The following DET1 variants were observed in gnomAD, a reference collection of about 807,000 sequenced individuals.
The protein encoded by DET1 is DET1 partner of COP1 E3 ubiquitin ligase, also known as DET1 homolog.
Under a neutral mutation model 43.7 loss-of-function variants are expected in DET1, and 22 were observed. That is an observed-to-expected ratio of 0.50 (90% CI 0.36 to 0.72). The LOEUF (loss-of-function observed/expected upper bound fraction) is 0.72, where lower values mean the gene tolerates loss of function less well. Among genes scored for constraint, DET1 ranks in the 30% least tolerant of loss-of-function variants. The probability of loss-of-function intolerance (pLI) is 0.00; values close to 1 mark genes in which losing one functional copy is unlikely to be tolerated. For missense variants in DET1, 713 were observed against 713.3 expected (o/e 1.00, Z 0.00); for synonymous variants, 315 against 266.2 (o/e 1.18, Z -1.79).
chr15:88,538,563 G>A (rs773043306), intron 1 of DET1, among the ~76,000 whole-genome samples: 24 of 152,044 alleles, frequency 1.6e-4, no homozygotes, highest in East Asian at 1.9e-4. Context: ...AGCATTAGCC[G>A]TCTCTCGGTC....
In DET1 at chr15:88,531,213, C is replaced by T; in HGVS notation, c.493G>A (p.Glu165Lys). 2 of 1,613,896 alleles carry T rather than the reference C, an allele frequency of 1.2e-6. No homozygotes were observed. The highest frequency in any genetic ancestry group is 1.7e-6 in the Non-Finnish European group (2 of 1,179,850). Residue 165 changes from glutamate (E) to lysine (K), a missense_variant, in exon 2 of 5, where the codon GAG (glutamate) becomes AAG (lysine). Coordinates refer to ENST00000268148, the MANE Select transcript of DET1 (RefSeq NM_001144074.3). The surrounding 1 kb of genome is among the most constrained non-coding windows in gnomAD (Gnocchi z 6.2). ...ACCTCAAAAAATGGAGGGTGAGGCT[C>T]ATCTGGGAGGTAGGCAGCTGAGCCC... ...IVGSAAYLPD[E>K]PHPPFFEVYR...
downstream of DET1, among the ~76,000 whole-genome samples, chr15:88,507,921 C>A (rs1049702164): frequency 2.0e-5 from 3 of 152,164 alleles, no homozygotes; most frequent in Non-Finnish European, 4.4e-5. Flanking sequence ...GGCAAGTGAG[C>A]GAAGCTTCAT....
intron 4 of DET1, among the ~76,000 whole-genome samples, chr15:88,513,868 C>T (rs1316876589): frequency 7.3e-6 from 1 of 136,636 alleles, no homozygotes; most frequent in Non-Finnish European, 1.5e-5. Context: ...GGCGCGATCT[C>T]GGCTCACTGC....
At chr15:88,508,056 C>T (rs140580855), downstream of DET1, among the ~76,000 whole-genome samples, 1,175 of 151,998 alleles carry the variant, frequency 7.7e-3, 16 homozygotes, top group African/African-American at 0.022. Flanking sequence ...CTAGGTTGTG[C>T]GCTCCTTATG....
chr15:88,509,472 A>T (rs2056174706), downstream of DET1, among the ~76,000 whole-genome samples: 1 of 152,246 alleles, frequency 6.6e-6, no homozygotes, highest in African/African-American at 2.4e-5. Flanking sequence ...ATTTAAGAAT[A>T]GACATGGTTT....
intron 8 of DET1, chr15:88,502,475 G>C (rs2056097901): frequency 6.6e-6 from 1 of 152,098 alleles, no homozygotes; most frequent in Admixed American, 6.6e-5. Flanking sequence ...CCAGATCTGG[G>C]GTCCCAGGAA....
At chr15:88,519,145 A>G (rs1324239083) in intron 3 of DET1, among the ~76,000 whole-genome samples, 1 of 152,132 alleles carries the variant, frequency 6.6e-6, no homozygotes, top group Non-Finnish European at 1.5e-5. Flanking sequence ...GATGACCACA[A>G]ATCAAAGCAT....
In DET1 at chr15:88,531,452, T is replaced by C; in HGVS notation, c.254A>G (p.Tyr85Cys). Residue 85 changes from tyrosine (Y) to cysteine (C), a missense_variant, in exon 2 of 5, where the codon TAT becomes TGT. Coordinates refer to ENST00000268148, the MANE Select transcript of DET1 (RefSeq NM_001144074.3). This position sits in a 1 kb window ranked among gnomAD's most constrained non-coding sequence, Gnocchi z 6.2. The stretch of plus-strand genomic sequence containing the variant: ...TGCTGCCTGGCAGCCCTGGTACTCA[T>C]AGATTTCAAGAGATGTCTGGTCTGA... ...FSSDQTSLEI[Y>C]EYQGCQAAED... 6.2e-7 allele frequency: 1 copy of C among 1,614,004 alleles called. No homozygotes were observed.
intron 3 of DET1, among the ~76,000 whole-genome samples, chr15:88,519,820 T>C (rs896600070): frequency 6.6e-6 from 1 of 152,188 alleles, no homozygotes; most frequent in African/African-American, 2.4e-5. Flanking sequence ...TTTAAACTTA[T>C]GGCCATGAAC....
chr15:88,529,289 CTCTCATAATTACATGGA>C (rs2056750671), intron 2 of DET1, among the ~76,000 whole-genome samples: 1 of 152,192 alleles, frequency 6.6e-6, no homozygotes, highest in African/African-American at 2.4e-5. Flanking sequence ...TCACCAGAAT[CTCTCATAATTACATGGA>C]TATAGAATTA....
Position 88,530,734 on chromosome 15 carries a change from G to C in DET1, c.972C>G (p.Asp324Glu). ...MAKRRFFQYF[D>E]QLRQLRMWKM... ...TCCACATTCGCAGCTGCCGCAGTTG[G>C]TCAAAATACTGGAAGAAGCGCCTCT... Residue 324 changes from aspartate (D) to glutamate (E), a missense_variant, in exon 2 of 5, where the codon GAC becomes GAG. Coordinates refer to ENST00000268148, the MANE Select transcript of DET1 (RefSeq NM_001144074.3). 6.2e-7 allele frequency: 1 copy of C among 1,613,970 alleles called. No homozygotes were observed. The highest frequency in any genetic ancestry group is 8.5e-7 in the Non-Finnish European group (1 of 1,179,872).
chr15:88,513,066 G>C lies in DET1; in HGVS notation c.1538C>G (p.Thr513Arg), dbSNP rs2142252878. 6.2e-7 allele frequency: 1 copy of C among 1,614,058 alleles called. No individual in the cohort carries two copies. ...GGTGAAGGCAACAAGGCGTCGCACTGTGTGGTTGATGGGGCGGCCCAATAA... is the reference window on the plus strand; with the variant it reads ...GGTGAAGGCAACAAGGCGTCGCACTCTGTGGTTGATGGGGCGGCCCAATAA... ...AGLLGRPINH[T>R]VRRLVAFTFH... The change falls in exon 5 of 5, where the codon ACA becomes AGA. Residue 513 changes from threonine to arginine, a missense_variant. By Grantham distance (71) the Thr-to-Arg change is moderately conservative. Transcript: ENST00000268148.
In DET1 at chr15:88,531,003, GC is replaced by G; in HGVS notation, c.702del (p.Gln235AsnfsTer10). ...LYKNILAILS[V>X]QQQTIHVFQV... is the part of the protein sequence containing the mutation. ...TGGAAGACATGGATGGTCTGTTGTT[GC>G]ACAGACAAGATGGCCAGGATGTTTT... On this transcript the variant is annotated frameshift_variant, in exon 2 of 5. Transcript: ENST00000268148. LOFTEE classifies it high-confidence loss of function. The surrounding 1 kb of genome is among the most constrained non-coding windows in gnomAD (Gnocchi z 6.2). 1 of 1,613,712 alleles carries G rather than the reference GC, an allele frequency of 6.2e-7. No individual in the cohort carries two copies. Among genetic ancestry groups the G allele is most frequent in the Non-Finnish European group, 8.5e-7 (1 of 1,179,728 alleles).
At chr15:88,538,633 G>A (rs886249890) in intron 1 of DET1, among the ~76,000 whole-genome samples, 5 of 152,042 alleles carry the variant, frequency 3.3e-5, no homozygotes, top group African/African-American at 9.7e-5. Context: ...TAACACCCCG[G>A]GTACAACATA....
At chr15:88,542,241 G>A (rs1009693469) in intron 1 of DET1, among the ~76,000 whole-genome samples, 1 of 152,142 alleles carries the variant, frequency 6.6e-6, no homozygotes, top group Non-Finnish European at 1.5e-5. Flanking sequence ...GTAGGCCTGA[G>A]GAGGAAGCTA....
At chr15:88,524,172 C>A (rs1044210042) in intron 3 of DET1, among the ~76,000 whole-genome samples, 2 of 152,016 alleles carry the variant, frequency 1.3e-5, no homozygotes, top group South Asian at 4.1e-4. Flanking sequence ...GCCGCGACCC[C>A]GTCTGGGAAC....
At chr15:88,511,593 A>G (rs2056201836), downstream of DET1, 2 of 985,282 alleles carry the variant, frequency 2.0e-6, no homozygotes, top group Admixed American at 6.1e-5. Context: ...GTCCCTAGAG[A>G]GACACAATGA....
At chr15:88,512,415 G>A (rs2056217462), downstream of DET1, 1 of 985,430 alleles carries the variant, frequency 1.0e-6, no homozygotes, top group Non-Finnish European at 1.2e-6. Flanking sequence ...AGTCCTTCCT[G>A]GAACCCAAGT....
chr15:88,542,363 A>G (rs1320445530), intron 1 of DET1, among the ~76,000 whole-genome samples: 1 of 152,158 alleles, frequency 6.6e-6, no homozygotes, highest in East Asian at 1.9e-4. Context: ...ACGGATATTA[A>G]AGGAGCCACT....
Sources: gnomAD v4.1 joint callset for allele counts (sites outside exome capture counted in the v4.1 genomes callset) on GRCh38, gnomAD v4.1.1 for gene constraint, Gnocchi (gnomAD v3.1) non-coding constraint, MANE v1.5 for transcripts, NCBI Gene and HGNC (gene_info 2026-07-23, HGNC 2026-07-21) for gene names.